Variants in CNTNAP2 observed in about 807,000 individuals in gnomAD.
CNTNAP2 encodes the protein contactin associated protein 2.
CNTNAP2 carries 98 observed loss-of-function variants against 155.2 expected under a neutral mutation model. The observed-to-expected ratio is 0.63, with a 90% CI of 0.54 to 0.75. The LOEUF (loss-of-function observed/expected upper bound fraction) is 0.75, where lower values mean the gene tolerates loss of function less well. Ranked by LOEUF, CNTNAP2 falls within the 30% of genes least tolerant of loss-of-function variation. The probability of loss-of-function intolerance (pLI) is 0.00; values close to 1 mark genes in which losing one functional copy is unlikely to be tolerated. For missense variants in CNTNAP2, 1,727 were observed against 1,688.1 expected (o/e 1.02, Z -0.40); for synonymous variants, 651 against 631.2 (o/e 1.03, Z -0.47).
At chr7:147,480,086 A>C (rs1798395122) in intron 10 of CNTNAP2, among the ~76,000 whole-genome samples, 2 of 152,206 alleles carry the variant, frequency 1.3e-5, no homozygotes, top group Non-Finnish European at 2.9e-5. Context: ...GCAGAAGAAA[A>C]TACTATGATT....
At chr7:146,944,876 T>TAA (rs926343251) in intron 3 of CNTNAP2, among the ~76,000 whole-genome samples, 1 of 141,554 alleles carries the variant, frequency 7.1e-6, no homozygotes, top group Non-Finnish European at 1.5e-5. Context: ...AGACTCCGTC[T>TAA]AAAAAAAAAA....
At chr7:146,746,165 T>A (rs913239914) in intron 1 of CNTNAP2, among the ~76,000 whole-genome samples, 1 of 152,248 alleles carries the variant, frequency 6.6e-6, no homozygotes, top group African/African-American at 2.4e-5. Flanking sequence ...TAATTCATTG[T>A]TGCACAAGGT....
chr7:146,515,638 A>T (rs916556385), intron 1 of CNTNAP2, among the ~76,000 whole-genome samples: 2 of 152,076 alleles, frequency 1.3e-5, no homozygotes, highest in Non-Finnish European at 2.9e-5. Flanking sequence ...TAGAATATTG[A>T]GGAACAAAGA....
At chr7:146,883,398 G>A (rs185425228) in intron 3 of CNTNAP2, among the ~76,000 whole-genome samples, 11 of 151,970 alleles carry the variant, frequency 7.2e-5, no homozygotes, top group East Asian at 1.9e-4. Context: ...CAAAAAATAC[G>A]TTTTTTTCTA....
intron 15 of CNTNAP2, among the ~76,000 whole-genome samples, chr7:148,102,580 T>C (rs1206329384): frequency 4.6e-5 from 7 of 152,244 alleles, no homozygotes; most frequent in Non-Finnish European, 1.0e-4. Flanking sequence ...CAAATTGGCA[T>C]GCCATACTAA....
chr7:148,217,201 C>A, intron 18 of CNTNAP2, 87 bp from the exon 19 acceptor site: 3 of 1,294,940 alleles, frequency 2.3e-6, no homozygotes, highest in Non-Finnish European at 3.4e-6. Context: ...CCAGTGCCTG[C>A]ACTCCATGAA....
intron 22 of CNTNAP2, among the ~76,000 whole-genome samples, chr7:148,399,617 C>A (rs1295365504): frequency 1.3e-5 from 2 of 152,136 alleles, no homozygotes; most frequent in Non-Finnish European, 2.9e-5. Flanking sequence ...AACTCTTTGG[C>A]TGTTTTTTCC....
chr7:146,245,489 A>G (rs1165248055), intron 1 of CNTNAP2, among the ~76,000 whole-genome samples: 1 of 152,180 alleles, frequency 6.6e-6, no homozygotes, highest in Non-Finnish European at 1.5e-5. Flanking sequence ...CATGACGGCT[A>G]GGCTAAAACA....
intron 1 of CNTNAP2, among the ~76,000 whole-genome samples, chr7:146,739,131 A>G (rs1801667844): frequency 6.6e-6 from 1 of 151,528 alleles, no homozygotes; most frequent in Admixed American, 6.6e-5. Flanking sequence ...TCTCTATTTT[A>G]TTGATTTCTG....
chr7:146,930,735 A>G (rs561175848), intron 3 of CNTNAP2, among the ~76,000 whole-genome samples: 1 of 152,304 alleles, frequency 6.6e-6, no homozygotes, highest in African/African-American at 2.4e-5. Flanking sequence ...AAAAGGATGG[A>G]GGAAGATCTA....
Position 146,890,298 on chromosome 7 carries a change from G to A in CNTNAP2, c.402+50394G>A, listed in dbSNP as rs768817589. Among the ~76,000 whole-genome samples, 54 of 152,150 alleles carry A rather than the reference G, an allele frequency of 3.5e-4. 3 individuals carry two copies. Among genetic ancestry groups the A allele is most frequent in the Non-Finnish European group, 4.4e-5 (3 of 68,034 alleles). On this transcript the variant is annotated intron_variant, in intron 3 of 23. Transcript: ENST00000361727. ...CTCTTCAAAGTAGTCAGTTGAAGCT[G>A]GTATCGCTGTCCTGACCACAAGTGA...
chr7:147,742,392 G>A (rs1282148795), intron 13 of CNTNAP2, among the ~76,000 whole-genome samples: 2 of 152,104 alleles, frequency 1.3e-5, no homozygotes, highest in African/African-American at 4.8e-5. Flanking sequence ...TTTGAATAAT[G>A]ATTCACCATA....
chr7:146,503,278 A>T lies in CNTNAP2; in HGVS notation c.98-270993A>T, dbSNP rs1034510287. Reference sequence around the variant, plus strand: ...GGTCTTACTAAAAAAATCTTTGCCAAGATCAAACTTGTCCAACCCGCAGCC... The same window carrying T: ...GGTCTTACTAAAAAAATCTTTGCCATGATCAAACTTGTCCAACCCGCAGCC... On this transcript the variant is annotated intron_variant, in intron 1 of 23. Coordinates refer to ENST00000361727, the MANE Select transcript of CNTNAP2 (RefSeq NM_014141.6). 9.2e-5 allele frequency among the ~76,000 whole-genome samples: 14 copies of T among 152,210 alleles called. 1 individual carries two copies. Among genetic ancestry groups the T allele is most frequent in the Non-Finnish European group, 1.9e-4 (13 of 68,048 alleles).
chr7:146,348,272 C>T (rs7791641), intron 1 of CNTNAP2, among the ~76,000 whole-genome samples: 2 of 151,640 alleles, frequency 1.3e-5, no homozygotes, highest in African/African-American at 2.4e-5. Context: ...TATAAAAAAA[C>T]AAATTAGCTG....
At chr7:148,326,570 T>C (rs1797891253) in intron 21 of CNTNAP2, among the ~76,000 whole-genome samples, 1 of 151,886 alleles carries the variant, frequency 6.6e-6, no homozygotes, top group Admixed American at 6.6e-5. Flanking sequence ...GGAAAGAAAA[T>C]AAATAGAGCA....
intron 17 of CNTNAP2, among the ~76,000 whole-genome samples, chr7:148,158,545 C>T (rs963855782): frequency 1.3e-5 from 2 of 152,120 alleles, no homozygotes; most frequent in Admixed American, 1.3e-4. Context: ...TTAAAATGTG[C>T]TCCCAAATAA....
intron 13 of CNTNAP2, among the ~76,000 whole-genome samples, chr7:147,853,925 G>T (rs1393885512): frequency 6.6e-6 from 1 of 152,178 alleles, no homozygotes; most frequent in Non-Finnish European, 1.5e-5. Flanking sequence ...AAGACTAGAA[G>T]TTACTTTTAG....
At chr7:148,345,931 T>C (rs766580756) in intron 21 of CNTNAP2, among the ~76,000 whole-genome samples, 7 of 152,232 alleles carry the variant, frequency 4.6e-5, no homozygotes, top group Non-Finnish European at 1.0e-4. Flanking sequence ...TGAAATTTGC[T>C]GGGCTTTGGA....
chr7:148,403,958 A>G (rs1392989067), intron 22 of CNTNAP2, among the ~76,000 whole-genome samples: 1 of 152,262 alleles, frequency 6.6e-6, no homozygotes, highest in Non-Finnish European at 1.5e-5. Context: ...AACAATAACC[A>G]AAGTCCAGCG....
Sources: gnomAD v4.1 joint callset for allele counts (sites outside exome capture counted in the v4.1 genomes callset) on GRCh38, gnomAD v4.1.1 for gene constraint, MANE v1.5 for transcripts, NCBI Gene and HGNC (gene_info 2026-07-23, HGNC 2026-07-21) for gene names.